The following AKNA variants were observed in gnomAD, a reference collection of about 807,000 sequenced individuals.
The protein encoded by AKNA is AT-hook transcription factor.
In AKNA, 67 loss-of-function variants were observed where a neutral mutation model predicts 138.8. The ratio of observed to expected loss-of-function variants is 0.48; its 90% CI spans 0.40 to 0.59. The LOEUF is 0.59. AKNA is among the 20% of genes least tolerant of loss of function. AKNA has a pLI of 0.00. For synonymous variants in AKNA, 737 were observed against 754.4 expected, an observed-to-expected ratio of 0.98 and a Z score of 0.38; for missense variants, 1,813 against 1,880.4, an observed-to-expected ratio of 0.96 and a Z score of 0.66.
intron 9 of AKNA, among the ~76,000 whole-genome samples, chr9:114,360,995 AC>A (rs965158733): frequency 6.6e-6 from 1 of 151,922 alleles, no homozygotes; most frequent in Non-Finnish European, 1.5e-5. Flanking sequence ...CTCCAAGTCC[AC>A]TCAAACATAC....
intron 2 of AKNA, among the ~76,000 whole-genome samples, chr9:114,379,254 C>T (rs1029055146): frequency 2.0e-5 from 3 of 152,242 alleles, no homozygotes; most frequent in East Asian, 1.9e-4. Flanking sequence ...ACCTCTCTGG[C>T]AATCCATAGT....
At chr9:114,353,606 G>C (rs111352568) in intron 14 of AKNA, among the ~76,000 whole-genome samples, 5,072 of 152,188 alleles carry the variant, frequency 0.033, 286 homozygotes, top group African/African-American at 0.12. Context: ...TTAATATTGG[G>C]TATAAGCTCC....
At chr9:114,357,071 C>T (rs995994907) in intron 12 of AKNA, 102 bp from the exon 13 acceptor site, 3 of 1,031,414 alleles carry the variant, frequency 2.9e-6, no homozygotes, top group African/African-American at 1.7e-5. Flanking sequence ...GAGGCTCACA[C>T]CCCAGGGTTG....
intron 17 of AKNA, 88 bp from the exon 18 acceptor site, chr9:114,346,097 G>T: frequency 7.4e-7 from 1 of 1,352,456 alleles, no homozygotes. Context: ...TTTAGGCTCT[G>T]GGGTGGATGC....
chr9:114,364,002 T>C (rs970020614), intron 7 of AKNA, among the ~76,000 whole-genome samples: 1 of 152,096 alleles, frequency 6.6e-6, no homozygotes, highest in Admixed American at 6.6e-5. Flanking sequence ...TAGGACTCTA[T>C]AAAGGGTCTC....
chr9:114,359,500 A>T, intron 11 of AKNA, 94 bp downstream of exon 11: 1 of 1,596,924 alleles, frequency 6.3e-7, no homozygotes, highest in Admixed American at 1.7e-5. Flanking sequence ...CCATGTCTAA[A>T]CTGTGAAGCG....
intron 1 of AKNA, among the ~76,000 whole-genome samples, chr9:114,382,734 C>T (rs899951534): frequency 1.3e-5 from 2 of 152,058 alleles, no homozygotes; most frequent in African/African-American, 4.8e-5. Context: ...CGACAAAGGT[C>T]ACATATAGTG....
intron 11 of AKNA, 35 bp from the exon 12 acceptor site, chr9:114,358,202 G>A (rs780882312): frequency 7.4e-6 from 12 of 1,611,730 alleles, no homozygotes; most frequent in Non-Finnish European, 6.8e-6. Context: ...CTTGAGTTCT[G>A]CCAGGCAGCC....
chr9:114,390,005 G>C (rs1171963841), upstream of AKNA, among the ~76,000 whole-genome samples: 4 of 152,148 alleles, frequency 2.6e-5, no homozygotes, highest in Non-Finnish European at 5.9e-5. Context: ...TGGAGGCCAT[G>C]TGTGCCATTG....
intron 6 of AKNA, among the ~76,000 whole-genome samples, chr9:114,366,594 A>T (rs562006912): frequency 1.8e-4 from 28 of 152,252 alleles, no homozygotes; most frequent in Admixed American, 5.9e-4. Context: ...AAAACCGCTG[A>T]AGCAAGCAAA....
At chr9:114,358,409 G>A (rs546434249) in intron 11 of AKNA, 28 of 509,722 alleles carry the variant, frequency 5.5e-5, no homozygotes, top group African/African-American at 4.8e-4. Context: ...ACACCAAAGA[G>A]GAAATGTTAA....
intron 4 of AKNA, 144 bp downstream of exon 4, chr9:114,373,949 C>T: frequency 2.6e-6 from 2 of 763,386 alleles, no homozygotes; most frequent in Non-Finnish European, 4.1e-6. Context: ...CACAGAGGGA[C>T]CTTGGGGTAG....
chr9:114,381,346 G>T lies in AKNA; in HGVS notation c.-13C>A. ...CCGAGCTGGCCATTGGGGCTGGCCT[G>T]GGCTTCACCTGGGCCACTTCATCTT... On this transcript the variant is annotated 5_prime_UTR_variant, in exon 2 of 22. Coordinates refer to ENST00000374088, the MANE Select transcript of AKNA (RefSeq NM_001317950.2). 2 of 1,553,244 alleles carry T rather than the reference G, an allele frequency of 1.3e-6. No homozygotes were observed.
chr9:114,362,289 A>G (rs1190455372), intron 8 of AKNA, 117 bp downstream of exon 8: 3 of 1,365,346 alleles, frequency 2.2e-6, no homozygotes, highest in Non-Finnish European at 1.9e-6. Context: ...TTAGGATAAG[A>G]TTTCTCTCTA....
chr9:114,356,205 A>G lies in AKNA; in HGVS notation c.2847-69T>C, dbSNP rs1296000922. On this transcript the variant is annotated intron_variant, in intron 13 of 21. Coordinates refer to ENST00000374088, the MANE Select transcript of AKNA (RefSeq NM_001317950.2). ...TGAGACACTCAGGCGGCAGCATCTGAGCCCCTCCACATGCTAACCCAATAA... is the reference window on the plus strand; with the variant it reads ...TGAGACACTCAGGCGGCAGCATCTGGGCCCCTCCACATGCTAACCCAATAA... The G allele has an allele frequency of 4.8e-6, 7 of 1,464,006 alleles. No homozygotes were observed. In the East Asian group the frequency reaches 1.4e-4, roughly 29 times the overall value. 90.7% of individuals were successfully genotyped at this position (1,464,006 alleles called of 1,614,324 possible). A position where few individuals can be genotyped will look rare whatever the true frequency, so the allele number is the denominator to read the frequency against.
At chr9:114,391,600 G>A (rs1179187478), upstream of AKNA, among the ~76,000 whole-genome samples, 1 of 152,146 alleles carries the variant, frequency 6.6e-6, no homozygotes, top group Non-Finnish European at 1.5e-5. Context: ...TGTAATCCCA[G>A]CACTTTGGGA....
chr9:114,333,721 T>C (rs62559491), downstream of AKNA, among the ~76,000 whole-genome samples: 16,321 of 130,898 alleles, frequency 0.12, 6 homozygotes, highest in East Asian at 0.36. Context: ...TAATAAAACT[T>C]CAACTAGTCA....
downstream of AKNA, among the ~76,000 whole-genome samples, chr9:114,331,376 T>G (rs1306639390): frequency 6.6e-6 from 1 of 151,938 alleles, no homozygotes; most frequent in Non-Finnish European, 1.5e-5. Context: ...GCTCCTGAGA[T>G]CTCATGTACA....
At chr9:114,333,791 T>C (rs866379009), downstream of AKNA, among the ~76,000 whole-genome samples, 609 of 150,192 alleles carry the variant, frequency 4.1e-3, no homozygotes, top group Admixed American at 9.4e-3. Flanking sequence ...TGCATTTGAG[T>C]AACCTTGAGG....
Sources: allele counts gnomAD v4.1 joint callset (sites outside exome capture counted in the v4.1 genomes callset), GRCh38; gene constraint gnomAD v4.1.1; transcripts MANE v1.5; gene names NCBI Gene and HGNC (gene_info 2026-07-23, HGNC 2026-07-21).